FAM193B: variants seen among roughly 807,000 people sequenced by gnomAD.
FAM193B encodes family with sequence similarity 193 member B.
Under a neutral mutation model 70.7 loss-of-function variants are expected in FAM193B, and 27 were observed. The ratio of observed to expected loss-of-function variants is 0.38; its 90% CI spans 0.28 to 0.53. The LOEUF (loss-of-function observed/expected upper bound fraction) is 0.53. Among genes scored for constraint, FAM193B ranks in the 20% least tolerant of loss-of-function variants. The pLI is 0.81. For missense variants in FAM193B, 1,022 were observed against 1,072.5 expected (o/e 0.95, Z 0.66); for synonymous variants, 448 against 436.0 (o/e 1.03, Z -0.34).
At chr5:177,548,694 GATT>G (rs1006296400) in intron 1 of FAM193B, among the ~76,000 whole-genome samples, 1 of 152,184 alleles carries the variant, frequency 6.6e-6, no homozygotes, top group African/African-American at 2.4e-5. Context: ...GGGATCTGAT[GATT>G]ATTAGCTTGG....
In FAM193B at chr5:177,524,400, C is replaced by T. The variant is rs563536004; in HGVS notation, c.2081G>A (p.Arg694Gln). The change falls in exon 6 of 9, where the codon CGG becomes CAG. Residue 694 changes from arginine (R) to glutamine (Q), a missense_variant. Physicochemically the swap from Arg to Gln is conservative, Grantham distance 43 (BLOSUM62 1). Transcript: ENST00000514747. The part of the protein sequence containing the change: ...GSCAEAGEGS[R>Q]GSRPGPGWAG... ...CCAACCTGGTCCTGGCCGGCTCCCC[C>T]GGCTCCCCTCTCCAGCCTCAGCACA... 5 of 1,576,504 alleles carry T rather than the reference C, an allele frequency of 3.2e-6. No individual in the cohort carries two copies. Among genetic ancestry groups the T allele is most frequent in the South Asian group, 2.3e-5 (2 of 86,296 alleles).
chr5:177,520,640 G>A (rs1247779992), intron 8 of FAM193B, among the ~76,000 whole-genome samples: 1 of 152,240 alleles, frequency 6.6e-6, no homozygotes, highest in Non-Finnish European at 1.5e-5. Context: ...GGAGACAGTT[G>A]CATTTGATTT....
intron 1 of FAM193B, among the ~76,000 whole-genome samples, chr5:177,544,750 T>C (rs1407605488): frequency 1.3e-5 from 2 of 152,198 alleles, no homozygotes; most frequent in African/African-American, 4.8e-5. Flanking sequence ...ATTTTCCAAA[T>C]GACCAAAGCA....
chr5:177,554,285 C>T lies in FAM193B; in HGVS notation c.174G>A (p.Arg58=). The T allele has an allele frequency of 2.1e-6, 3 of 1,418,350 alleles. No homozygotes were observed. The highest frequency in any genetic ancestry group is 2.8e-6 in the Non-Finnish European group (3 of 1,082,046). The allele number at this position is 1,418,350 out of a possible 1,614,324, so 87.9% of individuals were successfully genotyped here. A position where few individuals can be genotyped will look rare whatever the true frequency, so the allele number is the denominator to read the frequency against. ...GCACCAGGTTGGGTTCGTCATCCTCCCTGGGGCCGTCGTGGTCGGGCTCCG... is the reference window on the plus strand; with the variant it reads ...GCACCAGGTTGGGTTCGTCATCCTCTCTGGGGCCGTCGTGGTCGGGCTCCG... ...APAEPDHDGP[R]EDDEPNLVPG... Residue 58 remains arginine (R), a synonymous_variant, in exon 1 of 9, where the codon AGG becomes AGA. Coordinates refer to ENST00000514747, the MANE Select transcript of FAM193B (RefSeq NM_001190946.3).
chr5:177,543,613 C>T lies in FAM193B; in HGVS notation c.211-4466G>A, dbSNP rs537896145. ...CTTTCCTCTGCTACTTTCATCTCCA[C>T]TTTAATTGCTAGAGGGTGATAAGAA... On this transcript the variant is annotated intron_variant, in intron 1 of 8. Coordinates refer to ENST00000514747, the MANE Select transcript of FAM193B (RefSeq NM_001190946.3). Among the ~76,000 whole-genome samples, 28 of 152,350 alleles carry T rather than the reference C, an allele frequency of 1.8e-4. No homozygotes were observed. The South Asian group carries it at 5.2e-3, about 28-fold the overall frequency.
intron 1 of FAM193B, among the ~76,000 whole-genome samples, chr5:177,543,572 C>T (rs759365151): frequency 2.0e-5 from 3 of 152,214 alleles, no homozygotes; most frequent in Non-Finnish European, 4.4e-5. Flanking sequence ...GGTATGATGC[C>T]TTGTGGAACT....
intron 1 of FAM193B, among the ~76,000 whole-genome samples, chr5:177,545,317 TACAGGCATGAGCC>T (rs1279282267): frequency 2.0e-5 from 3 of 152,236 alleles, no homozygotes; most frequent in Non-Finnish European, 4.4e-5. Flanking sequence ...GTGCTGGCAT[TACAGGCATGAGCC>T]ACCACACCTG....
intron 7 of FAM193B, among the ~76,000 whole-genome samples, chr5:177,522,741 G>A (rs1045692176): frequency 2.0e-5 from 3 of 152,190 alleles, no homozygotes; most frequent in African/African-American, 7.2e-5. Flanking sequence ...TTGAGACAGA[G>A]TCTTACTCTG....
chr5:177,521,788 A>C (rs535641075), intron 8 of FAM193B, among the ~76,000 whole-genome samples, 186 bp downstream of exon 8: 144 of 152,188 alleles, frequency 9.5e-4, no homozygotes, highest in African/African-American at 3.3e-3. Flanking sequence ...CTGCGGGAGG[A>C]GATGGGGCCT....
rs967474962 is a variant in FAM193B at position 177,539,142 on chromosome 5, G to A, written c.216C>T (p.Pro72=). Residue 72 remains proline (P), a synonymous_variant, in exon 2 of 9, where the codon CCC becomes CCT. Coordinates refer to ENST00000514747, the MANE Select transcript of FAM193B (RefSeq NM_001190946.3). ...EPNLVPGPQV[P]PASSQPVQTC... ...TCTGCACAGGCTGGCTGGAGGCGGG[G>A]GGGACCTGTCCAACAGACAGAAACA... is the stretch of plus-strand genomic sequence containing the variant. The A allele has an allele frequency of 7.7e-6, 12 of 1,564,948 alleles. No homozygotes were observed. The South Asian group carries it at 1.4e-4, about 18-fold the overall frequency.
intron 6 of FAM193B, 55 bp from the exon 7 acceptor site, chr5:177,524,087 T>A (rs1286944042): frequency 6.2e-7 from 1 of 1,613,156 alleles, no homozygotes; most frequent in Non-Finnish European, 8.5e-7. Context: ...TTTGGGGTTA[T>A]GCTCTGGGGG....
At chr5:177,553,795 T>C (rs1399698958) in intron 1 of FAM193B, 4 of 1,286,822 alleles carry the variant, frequency 3.1e-6, no homozygotes, top group Middle Eastern at 3.2e-4. Flanking sequence ...GGGCCGCGGC[T>C]GCAGGCGCTG....
Position 177,532,580 on chromosome 5 carries a change from G to A in FAM193B, c.1138C>T (p.Pro380Ser). 1 of 1,594,784 alleles carries A rather than the reference G, an allele frequency of 6.3e-7. No homozygotes were observed. Among genetic ancestry groups the A allele is most frequent in the Non-Finnish European group, 8.5e-7 (1 of 1,173,904 alleles). Residue 380 changes from proline to serine, a missense_variant, in exon 5 of 9, where the codon CCC becomes TCC. Physicochemically the swap from Pro to Ser is moderately conservative, Grantham distance 74. Transcript: ENST00000514747. The surrounding 1 kb of genome is among the most constrained non-coding windows in gnomAD (Gnocchi z 4.9). ...CCCAGCCCCTCATCTGCCTCGCAGGGCTGGGGCAGCTGGCAAGCCAGGCCA... is the reference window on the plus strand; with the variant it reads ...CCCAGCCCCTCATCTGCCTCGCAGGACTGGGGCAGCTGGCAAGCCAGGCCA... ...HSGLACQLPQ[P>S]CEADEGLGEE...
At chr5:177,531,562 TG>T in intron 5 of FAM193B, 18 of 1,227,386 alleles carry the variant, frequency 1.5e-5, no homozygotes, top group Middle Eastern at 3.6e-4. Flanking sequence ...ACCCTGGGCC[TG>T]GGGGGCCCAC....
chr5:177,525,107 C>T lies in FAM193B; in HGVS notation c.1374G>A (p.Glu458=), dbSNP rs199859135. Residue 458 remains glutamate (E), a synonymous_variant, in exon 6 of 9, where the codon GAG becomes GAA. Coordinates refer to ENST00000514747, the MANE Select transcript of FAM193B (RefSeq NM_001190946.3). Reference sequence around the variant, plus strand: ...CCCGATCCAGTTCCCGGTCGGGCCACTCCAAGAGCCTCTCCCTGGCAGGCC... The same window carrying T: ...CCCGATCCAGTTCCCGGTCGGGCCATTCCAAGAGCCTCTCCCTGGCAGGCC... ...EPRPARERLL[E]WPDRELDRVN... The T allele has an allele frequency of 8.3e-4, 1,307 of 1,582,338 alleles. 15 individuals are homozygous for T. In the South Asian group the frequency reaches 0.014, roughly 17 times the overall value.
rs1762297867 is a variant in FAM193B at position 177,524,601 on chromosome 5, G to A, written c.1880C>T (p.Pro627Leu). 1 of 1,611,888 alleles carries A rather than the reference G, an allele frequency of 6.2e-7. No individual in the cohort carries two copies. Residue 627 changes from proline to leucine, a missense_variant, in exon 6 of 9, where the codon CCT becomes CTT. Transcript: ENST00000514747. The part of the protein sequence containing the change: ...VPSCKQELPE[P>L]VSSGGKPQKG... The stretch of plus-strand genomic sequence containing the variant: ...CTGTGGCTTCCCACCTGAGGACACA[G>A]GCTCAGGCAGCTCCTGCTTGCAACT...
intron 5 of FAM193B, among the ~76,000 whole-genome samples, chr5:177,528,332 G>T (rs1315768141): frequency 2.6e-5 from 4 of 152,214 alleles, no homozygotes; most frequent in Non-Finnish European, 4.4e-5. Flanking sequence ...TGGAAGGGAA[G>T]ACAGTGAATG....
chr5:177,529,933 G>A (rs1446375750), intron 5 of FAM193B, among the ~76,000 whole-genome samples: 4 of 152,192 alleles, frequency 2.6e-5, no homozygotes, highest in Non-Finnish European at 5.9e-5. Flanking sequence ...TACTTCAGGC[G>A]GCGGGAGAAG....
At chr5:177,530,206 T>C (rs531752478) in intron 5 of FAM193B, among the ~76,000 whole-genome samples, 1 of 152,354 alleles carries the variant, frequency 6.6e-6, no homozygotes, top group East Asian at 1.9e-4. Flanking sequence ...CACCAGGTTC[T>C]GTCCTCAGTC....
Sources: gnomAD v4.1 joint callset for allele counts (sites outside exome capture counted in the v4.1 genomes callset) on GRCh38, gnomAD v4.1.1 for gene constraint, Gnocchi (gnomAD v3.1) non-coding constraint, MANE v1.5 for transcripts, NCBI Gene and HGNC (gene_info 2026-07-23, HGNC 2026-07-21) for gene names.